The following ST7L variants were observed in gnomAD, a reference collection of about 807,000 sequenced individuals.
ST7L encodes the protein suppression of tumorigenicity 7 like.
ST7L carries 57 observed loss-of-function variants against 72.5 expected under a neutral mutation model. That is an observed-to-expected ratio of 0.79 (90% CI 0.64 to 0.98). ST7L has a LOEUF of 0.98. Ranked by LOEUF, ST7L falls within the 50% of genes least tolerant of loss-of-function variation. The pLI is 0.00. For synonymous variants in ST7L, 221 were observed against 240.9 expected (o/e 0.92, Z 0.77); for missense variants, 576 against 672.2 (o/e 0.86, Z 1.58).
chr1:112,569,101 G>A (rs981176927), intron 11 of ST7L, among the ~76,000 whole-genome samples: 1 of 151,908 alleles, frequency 6.6e-6, no homozygotes, highest in Non-Finnish European at 1.5e-5. Flanking sequence ...TAGAGGAACT[G>A]GAACTCACAC....
intron 11 of ST7L, among the ~76,000 whole-genome samples, chr1:112,568,871 TATATATATATATATATAA>T (rs1557993799): frequency 2.3e-4 from 24 of 105,918 alleles, no homozygotes; most frequent in African/African-American, 6.8e-4. Context: ...AATATATATA[TATATATATATATATATAA>T]AACAAAAATT....
chr1:112,619,665 G>GGGGCGC (rs936427554), upstream of ST7L: 70 of 595,056 alleles, frequency 1.2e-4, no homozygotes, highest in South Asian at 1.6e-4. Context: ...CCTACTTCCT[G>GGGGCGC]GGGCGCGGGC....
At chr1:112,595,370 GAA>G (rs67553307) in intron 5 of ST7L, among the ~76,000 whole-genome samples, 912 of 52,034 alleles carry the variant, frequency 0.018, 4 homozygotes, top group Non-Finnish European at 0.025. Context: ...GGTCTCAAAA[GAA>G]AAAAAAAAAA....
intron 9 of ST7L, among the ~76,000 whole-genome samples, chr1:112,581,344 C>T (rs1231670818): frequency 6.6e-6 from 1 of 151,956 alleles, no homozygotes; most frequent in East Asian, 1.9e-4. Flanking sequence ...GCTCATTTGT[C>T]TGTATGCTCC....
intron 13 of ST7L, among the ~76,000 whole-genome samples, chr1:112,544,249 C>G (rs79175643): frequency 1.8e-3 from 277 of 152,262 alleles, no homozygotes; most frequent in Non-Finnish European, 3.3e-3. Context: ...TTGTGCTGAA[C>G]CAAGGTCAGC....
chr1:112,578,082 C>G (rs867342762), intron 10 of ST7L, among the ~76,000 whole-genome samples: 1 of 152,296 alleles, frequency 6.6e-6, no homozygotes, highest in Non-Finnish European at 1.5e-5. Context: ...TCTCATTTTA[C>G]AGATGAAGGA....
chr1:112,520,206 G>C (rs1386314191), downstream of ST7L: 1 of 1,414,396 alleles, frequency 7.1e-7, no homozygotes, highest in Non-Finnish European at 9.8e-7. Context: ...TCTTCCTTCT[G>C]AGAATGTGGT....
intron 9 of ST7L, among the ~76,000 whole-genome samples, chr1:112,581,701 G>A (rs1243646367): frequency 1.3e-5 from 2 of 152,078 alleles, no homozygotes. Flanking sequence ...GAGCCACCAT[G>A]CCCAGCCTCC....
At chr1:112,541,762 C>A (rs1656139038) in intron 14 of ST7L, 189 bp downstream of exon 14, 1 of 1,302,572 alleles carries the variant, frequency 7.7e-7, no homozygotes, top group Non-Finnish European at 9.8e-7. Context: ...AACTTTTAAG[C>A]AACAGAAGTA....
intron 13 of ST7L, among the ~76,000 whole-genome samples, chr1:112,548,413 G>A (rs1328427855): frequency 1.3e-5 from 2 of 152,112 alleles, no homozygotes; most frequent in South Asian, 2.1e-4. Context: ...CAATCTAAAA[G>A]GGGAGATTAA....
intron 9 of ST7L, 73 bp downstream of exon 9, chr1:112,581,919 G>C: frequency 9.4e-7 from 1 of 1,062,112 alleles, no homozygotes; most frequent in Non-Finnish European, 1.4e-6. Context: ...TTAAATACTA[G>C]AATATAACCA....
chr1:112,551,739 T>A (rs183637636), intron 12 of ST7L, among the ~76,000 whole-genome samples: 96 of 152,340 alleles, frequency 6.3e-4, no homozygotes, highest in African/African-American at 2.2e-3. Flanking sequence ...TCTTTATTGA[T>A]CTATTCCATT....
intron 2 of ST7L, 122 bp from the exon 3 acceptor site, chr1:112,611,125 A>T: frequency 4.4e-6 from 4 of 900,076 alleles, no homozygotes; most frequent in Non-Finnish European, 6.4e-6. Flanking sequence ...TCCTTTCAAA[A>T]AGAAAAAAAC....
downstream of ST7L, chr1:112,521,643 A>C (rs1473570637): frequency 6.6e-6 from 1 of 152,124 alleles, no homozygotes; most frequent in Non-Finnish European, 1.5e-5. Flanking sequence ...TTACTCAACA[A>C]ATCTTTATTT....
chr1:112,526,232 C>G (rs769506323), intron 14 of ST7L, 121 bp from the exon 15 acceptor site: 11 of 1,378,222 alleles, frequency 8.0e-6, no homozygotes, highest in Admixed American at 4.2e-5. Flanking sequence ...CCTTATCAAC[C>G]AATGGCTCTT....
chr1:112,522,708 AG>A (rs1557926823), downstream of ST7L: 1 of 152,236 alleles, frequency 6.6e-6, no homozygotes, highest in Non-Finnish European at 1.5e-5. Context: ...TCTTTTGGTG[AG>A]GGGATTTGCT....
intron 3 of ST7L, among the ~76,000 whole-genome samples, chr1:112,604,996 A>G (rs540622281): frequency 1.0e-4 from 15 of 149,350 alleles, no homozygotes; most frequent in African/African-American, 3.7e-4. Context: ...CTGAGGCAGG[A>G]GAATCATTTG....
intron 11 of ST7L, among the ~76,000 whole-genome samples, chr1:112,556,997 A>AAAAAAAAC (rs1557974323): frequency 7.0e-6 from 1 of 142,664 alleles, no homozygotes; most frequent in African/African-American, 2.9e-5. Context: ...AAAAAAAAAA[A>AAAAAAAAC]ACACAAAGAA....
At chr1:112,615,142 G>T (rs1214898364) in intron 2 of ST7L, among the ~76,000 whole-genome samples, 15 of 151,958 alleles carry the variant, frequency 9.9e-5, no homozygotes, top group Admixed American at 9.8e-4. Context: ...TGGGACTATA[G>T]GTGCGCCACA....
Sources: gnomAD v4.1 joint callset for allele counts (sites outside exome capture counted in the v4.1 genomes callset) on GRCh38, gnomAD v4.1.1 for gene constraint, MANE v1.5 for transcripts, NCBI Gene and HGNC (gene_info 2026-07-23, HGNC 2026-07-21) for gene names.